EPHA5: variants seen among roughly 807,000 people sequenced by gnomAD.
EPHA5 encodes ephrin type-A receptor 5.
Under a neutral mutation model 105.0 loss-of-function variants are expected in EPHA5, and 60 were observed. The observed-to-expected ratio is 0.57, with a 90% CI of 0.46 to 0.71. The LOEUF (loss-of-function observed/expected upper bound fraction) is 0.71. EPHA5 is among the 30% of genes least tolerant of loss of function. The pLI is 0.00. For missense variants in EPHA5, 1,218 were observed against 1,274.7 expected, an observed-to-expected ratio of 0.96 and a Z score of 0.68; for synonymous variants, 513 against 449.1, an observed-to-expected ratio of 1.14 and a Z score of -1.80.
chr4:65,418,493 A>C (rs533212736), intron 6 of EPHA5, among the ~76,000 whole-genome samples: 1 of 152,300 alleles, frequency 6.6e-6, no homozygotes, highest in African/African-American at 2.4e-5. Flanking sequence ...ACTTTGTCTC[A>C]GAGGTATTCT....
At chr4:65,501,293 C>T (rs1327785281) in intron 3 of EPHA5, among the ~76,000 whole-genome samples, 2 of 151,254 alleles carry the variant, frequency 1.3e-5, no homozygotes, top group Non-Finnish European at 3.0e-5. Flanking sequence ...TAAAAGGCAT[C>T]CAAATAGGAA....
At chr4:65,566,665 A>C (rs1260263584) in intron 3 of EPHA5, among the ~76,000 whole-genome samples, 1 of 151,800 alleles carries the variant, frequency 6.6e-6, no homozygotes, top group Non-Finnish European at 1.5e-5. Context: ...TAAGGTGGTT[A>C]GAAACATCTG....
intron 5 of EPHA5, among the ~76,000 whole-genome samples, chr4:65,468,595 T>C (rs1482787677): frequency 0.015 from 121 of 7,990 alleles, no homozygotes; most frequent in East Asian, 0.091. Flanking sequence ...ATATATATAA[T>C]ATATATATTA....
At chr4:65,492,653 A>G (rs1731529061) in intron 4 of EPHA5, among the ~76,000 whole-genome samples, 4 of 152,100 alleles carry the variant, frequency 2.6e-5, no homozygotes, top group Admixed American at 1.3e-4. Context: ...TTAAGTTGAA[A>G]TAATGTCTTA....
At chr4:65,528,506 T>G (rs952295013) in intron 3 of EPHA5, among the ~76,000 whole-genome samples, 7 of 152,040 alleles carry the variant, frequency 4.6e-5, no homozygotes, top group African/African-American at 1.7e-4. Flanking sequence ...AAAAAATCCG[T>G]AGAGAATTCA....
chr4:65,571,594 C>G (rs1299426963), intron 3 of EPHA5, among the ~76,000 whole-genome samples: 1 of 152,056 alleles, frequency 6.6e-6, no homozygotes, highest in East Asian at 1.9e-4. Context: ...ATTATCATTT[C>G]TACTCAGCTT....
intron 9 of EPHA5, among the ~76,000 whole-genome samples, chr4:65,366,734 C>A (rs975499966): frequency 2.0e-5 from 3 of 151,594 alleles, no homozygotes; most frequent in Non-Finnish European, 4.4e-5. Flanking sequence ...TTTAAGATGG[C>A]GGAGTGAAAA....
At chr4:65,473,569 A>C (rs1729498045) in intron 5 of EPHA5, among the ~76,000 whole-genome samples, 1 of 152,132 alleles carries the variant, frequency 6.6e-6, no homozygotes, top group African/African-American at 2.4e-5. Flanking sequence ...AAACCATTGG[A>C]TCTCATGAGA....
At chr4:65,414,482 T>C (rs748150671) in intron 6 of EPHA5, 39 bp from the exon 7 acceptor site, 1 of 1,596,218 alleles carries the variant, frequency 6.3e-7, no homozygotes, top group South Asian at 1.1e-5. Flanking sequence ...AAAGACAGCA[T>C]ATAAATTACT....
chr4:65,461,969 C>T (rs1159459348), intron 5 of EPHA5, among the ~76,000 whole-genome samples: 1 of 151,960 alleles, frequency 6.6e-6, no homozygotes, highest in African/African-American at 2.4e-5. Context: ...CCAAGCAGAA[C>T]ATGCCGTCTA....
intron 5 of EPHA5, among the ~76,000 whole-genome samples, chr4:65,489,144 A>G (rs1412753449): frequency 6.6e-6 from 1 of 151,914 alleles, no homozygotes; most frequent in Non-Finnish European, 1.5e-5. Flanking sequence ...TGATCCACCC[A>G]TCTCGGCCTC....
chr4:65,548,010 T>C (rs1737547235), intron 3 of EPHA5, among the ~76,000 whole-genome samples: 2 of 151,446 alleles, frequency 1.3e-5, no homozygotes, highest in East Asian at 3.9e-4. Context: ...TTACATCAAA[T>C]AATGACATAG....
At position 65,365,222 on chromosome 4, in the gene EPHA5, A is replaced by G; in HGVS notation, c.1988-20T>C. On this transcript the variant is annotated intron_variant, in intron 10 of 16. Coordinates refer to ENST00000613740, the MANE Select transcript of EPHA5 (RefSeq NM_001281766.3). The stretch of plus-strand genomic sequence containing the variant: ...ATTCACCTTGTGATAAAGATGAAAA[A>G]AATGCAAAAACTCATTTGAAATTGT... The G allele has an allele frequency of 6.2e-7, 1 of 1,604,604 alleles. No homozygotes were observed. Among genetic ancestry groups the G allele is most frequent in the Non-Finnish European group, 8.5e-7 (1 of 1,174,458 alleles).
In EPHA5 at chr4:65,345,545, A is replaced by G. The variant is rs1032940117; in HGVS notation, c.2595+2509T>C. Among the ~76,000 whole-genome samples, 7 of 152,220 alleles carry G rather than the reference A, an allele frequency of 4.6e-5. 1 individual carries two copies. The highest frequency in any genetic ancestry group is 1.7e-4 in the African/African-American group (7 of 41,476). ...CCAATAAAGTGGACACAGCTGGAAC[A>G]GTAAGAGACTGTCAGATGGGGAACA... On this transcript the variant is annotated intron_variant, in intron 14 of 16. Transcript: ENST00000613740.
intron 3 of EPHA5, among the ~76,000 whole-genome samples, chr4:65,551,497 A>C (rs1264492534): frequency 6.6e-6 from 1 of 152,116 alleles, no homozygotes; most frequent in Non-Finnish European, 1.5e-5. Context: ...CAAGATAAGC[A>C]ACATATTTCC....
At chr4:65,507,971 G>A (rs1253175803) in intron 3 of EPHA5, among the ~76,000 whole-genome samples, 1 of 151,972 alleles carries the variant, frequency 6.6e-6, no homozygotes, top group Non-Finnish European at 1.5e-5. Context: ...TAATTTTTGT[G>A]TACAAGTTGA....
chr4:65,662,849 C>T (rs1749667345), intron 1 of EPHA5, among the ~76,000 whole-genome samples: 3 of 152,160 alleles, frequency 2.0e-5, no homozygotes, highest in Admixed American at 1.3e-4. Flanking sequence ...AACAACCTTT[C>T]CACACACTCA....
chr4:65,623,916 C>T (rs939939341), intron 2 of EPHA5, among the ~76,000 whole-genome samples: 3 of 152,072 alleles, frequency 2.0e-5, no homozygotes, highest in African/African-American at 4.8e-5. Context: ...CTATGGCAAA[C>T]ATTAACAATA....
chr4:65,634,391 A>C (rs1223342620), intron 2 of EPHA5, among the ~76,000 whole-genome samples: 1 of 152,086 alleles, frequency 6.6e-6, no homozygotes, highest in Non-Finnish European at 1.5e-5. Flanking sequence ...TGTATATATC[A>C]AAGACTAAAT....
Sources: gnomAD v4.1 joint callset for allele counts (sites outside exome capture counted in the v4.1 genomes callset) on GRCh38, gnomAD v4.1.1 for gene constraint, MANE v1.5 for transcripts, NCBI Gene and HGNC (gene_info 2026-07-23, HGNC 2026-07-21) for gene names.